The following PPP1R1A variants were observed in gnomAD, a reference collection of about 807,000 sequenced individuals.
PPP1R1A encodes protein phosphatase 1 regulatory subunit 1A.
PPP1R1A carries 18 observed loss-of-function variants against 23.9 expected under a neutral mutation model. The observed-to-expected ratio is 0.75, with a 90% CI of 0.52 to 1.12. PPP1R1A has a LOEUF of 1.12. Ranked by LOEUF, PPP1R1A falls within the 50% of genes most tolerant of loss-of-function variation. The pLI is 0.00. For synonymous variants in PPP1R1A, 84 were observed against 80.7 expected, an observed-to-expected ratio of 1.04 and a Z score of -0.22; for missense variants, 207 against 223.8, an observed-to-expected ratio of 0.92 and a Z score of 0.48.
At position 54,579,609 on chromosome 12, in the gene PPP1R1A, T is replaced by G. The variant is rs1565710466; in HGVS notation, c.*778A>C. The G allele has an allele frequency of 1.0e-6, 1 of 985,430 alleles. No homozygotes were observed. The highest frequency in any genetic ancestry group is 1.2e-6 in the Non-Finnish European group (1 of 829,964). 61.0% of individuals were successfully genotyped at this position (985,430 alleles called of 1,614,324 possible). ...GACAGTTTCTTCTCTTATGCTTGGT[T>G]TTGGTCTTATCTGGGCCCCTCAATG... On this transcript the variant is annotated 3_prime_UTR_variant, in exon 7 of 7. Coordinates refer to ENST00000257905, the MANE Select transcript of PPP1R1A (RefSeq NM_006741.4).
intron 2 of PPP1R1A, among the ~76,000 whole-genome samples, chr12:54,583,758 G>T (rs529591388): frequency 3.9e-5 from 6 of 152,120 alleles, no homozygotes; most frequent in Admixed American, 3.9e-4. Context: ...TGTCCCCCTC[G>T]CTTCCATACT....
chr12:54,581,874 T>C lies in PPP1R1A; in HGVS notation c.403+102A>G. The C allele has an allele frequency of 7.2e-7, 1 of 1,384,018 alleles. No individual in the cohort carries two copies. Among genetic ancestry groups the C allele is most frequent in the Non-Finnish European group, 9.8e-7 (1 of 1,024,120 alleles). 85.7% of individuals were successfully genotyped at this position (1,384,018 alleles called of 1,614,324 possible). Reference sequence around the variant, plus strand: ...GACAGTTTTTGCCTACTACTAGGCCTCTCCCAGGCTCCAACTCTTTCCCCT... The same window carrying C: ...GACAGTTTTTGCCTACTACTAGGCCCCTCCCAGGCTCCAACTCTTTCCCCT... On this transcript the variant is annotated intron_variant, in intron 5 of 6. Transcript: ENST00000257905. The surrounding 1 kb of genome is among the most constrained non-coding windows in gnomAD (Gnocchi z 4.1).
Position 54,580,944 on chromosome 12 carries a change from C to T in PPP1R1A, c.510G>A (p.Ser170=), listed in dbSNP as rs766359158. ...TGGCAGCCCAGCCCTGGGGTCTTAC[C>T]GAGTTGGCTCCCTTGGAATCCAGTG... ...IPPLDSKGAN[S]V is the part of the protein sequence containing the mutation. The change falls in exon 6 of 7, where the codon TCG becomes TCA. Residue 170 remains serine (S), a splice_region_variant and synonymous_variant. Coordinates refer to ENST00000257905, the MANE Select transcript of PPP1R1A (RefSeq NM_006741.4). 14 of 1,611,510 alleles carry T rather than the reference C, an allele frequency of 8.7e-6. No individual in the cohort carries two copies. Among genetic ancestry groups the T allele is most frequent in the Admixed American group, 6.7e-5 (4 of 60,000 alleles).
At position 54,582,179 on chromosome 12, in the gene PPP1R1A, G is replaced by A. The variant is rs766064943; in HGVS notation, c.248-48C>T. Reference sequence around the variant, plus strand: ...GGAACACTGGATATGACTGCCTAGCGTCTCCCCTGTGGGCCTCCGGATTCA... The same window carrying A: ...GGAACACTGGATATGACTGCCTAGCATCTCCCCTGTGGGCCTCCGGATTCA... On this transcript the variant is annotated intron_variant, in intron 4 of 6. Transcript: ENST00000257905. 4.5e-5 allele frequency: 70 copies of A among 1,554,522 alleles called. No individual in the cohort carries two copies. In the East Asian group the frequency reaches 6.3e-4, roughly 14 times the overall value.
Position 54,579,938 on chromosome 12 carries a change from A to C in PPP1R1A, c.*449T>G. The C allele has an allele frequency of 1.0e-6, 1 of 993,960 alleles. No homozygotes were observed. Among genetic ancestry groups the C allele is most frequent in the Non-Finnish European group, 1.2e-6 (1 of 834,968 alleles). The allele number at this position is 993,960 out of a possible 1,614,324, so 61.6% of individuals were successfully genotyped here. A position where few individuals can be genotyped will look rare whatever the true frequency, so the allele number is the denominator to read the frequency against. On this transcript the variant is annotated 3_prime_UTR_variant, in exon 7 of 7. Transcript: ENST00000257905. ...CACAGCTGGACACGGCACAGGCCTTAGAGCGCCGAGTCTTCCAGCTGCAGG... is the reference window on the plus strand; with the variant it reads ...CACAGCTGGACACGGCACAGGCCTTCGAGCGCCGAGTCTTCCAGCTGCAGG...
chr12:54,587,916 G>C (rs1957926106), intron 1 of PPP1R1A, among the ~76,000 whole-genome samples: 1 of 152,060 alleles, frequency 6.6e-6, no homozygotes, highest in Admixed American at 6.5e-5. Context: ...CCCCAGTTAG[G>C]AGGGGACAGG....
At position 54,581,751 on chromosome 12, in the gene PPP1R1A, G is replaced by C. The variant is rs1462721836; in HGVS notation, c.403+225C>G. On this transcript the variant is annotated intron_variant, in intron 5 of 6. Transcript: ENST00000257905. This position sits in a 1 kb window ranked among gnomAD's most constrained non-coding sequence, Gnocchi z 4.1. ...GGTTTCCCCCATGTAGCCACAGTGG[G>C]GCTCTGAGGTTCAAGTTGGGAGGGC... Among the ~76,000 whole-genome samples the C allele has an allele frequency of 6.6e-6, 1 of 152,218 alleles. No homozygotes were observed. The highest frequency in any genetic ancestry group is 2.4e-5 in the African/African-American group (1 of 41,454).
intron 6 of PPP1R1A, 89 bp from the exon 7 acceptor site, chr12:54,580,481 C>A: frequency 1.5e-6 from 2 of 1,305,026 alleles, no homozygotes; most frequent in Non-Finnish European, 2.2e-6. Context: ...CATTTGTCAA[C>A]ATCTAATGTC....
rs139065581 is a variant in PPP1R1A, at chr12:54,579,303, C to T, written c.*1084G>A. On this transcript the variant is annotated 3_prime_UTR_variant, in exon 7 of 7. Coordinates refer to ENST00000257905, the MANE Select transcript of PPP1R1A (RefSeq NM_006741.4). ...CATCTTCACATACATACACTCTTTC[C>T]AGCATGATAAAATCTGGGTGAGGCG... is the stretch of plus-strand genomic sequence containing the variant. 4.6e-3 allele frequency: 4,546 copies of T among 983,988 alleles called. 14 individuals carry two copies. The highest frequency in any genetic ancestry group is 9.2e-3 in the African/African-American group (522 of 56,860). The allele number at this position is 983,988 out of a possible 1,614,324, so 61.0% of individuals were successfully genotyped here. A position where few individuals can be genotyped will look rare whatever the true frequency, so the allele number is the denominator to read the frequency against.
rs758050370 is a variant in PPP1R1A at position 54,580,972 on chromosome 12, G to C, written c.482C>G (p.Pro161Arg). ...GTTGGCTCCCTTGGAATCCAGTGGT[G>C]GTATATGGGTTGAGGGTTCTTTTGT... ...PSTKEPSTHIPPLDSKGANSV is the reference protein window; with the variant it reads ...PSTKEPSTHIRPLDSKGANSV Residue 161 changes from proline (P) to arginine (R), a missense_variant, in exon 6 of 7, where the codon CCA becomes CGA. By Grantham distance (103) the Pro-to-Arg change is moderately radical. Transcript: ENST00000257905. 13 of 1,613,762 alleles carry C rather than the reference G, an allele frequency of 8.1e-6. No homozygotes were observed. Among genetic ancestry groups the C allele is most frequent in the Non-Finnish European group, 1.1e-5 (13 of 1,179,780 alleles).
intron 1 of PPP1R1A, among the ~76,000 whole-genome samples, chr12:54,587,348 G>A (rs1167178467): frequency 2.0e-5 from 3 of 152,208 alleles, no homozygotes; most frequent in Non-Finnish European, 2.9e-5. Flanking sequence ...ACAGAGAACT[G>A]ACCTTGTGGG....
At chr12:54,586,044 A>C (rs1214411127) in intron 1 of PPP1R1A, among the ~76,000 whole-genome samples, 4 of 152,122 alleles carry the variant, frequency 2.6e-5, no homozygotes, top group Non-Finnish European at 5.9e-5. Context: ...TCCTTCAACT[A>C]GAAGACTCCT....
rs1957838787 is a variant in PPP1R1A at position 54,579,963 on chromosome 12, G to A, written c.*424C>T. On this transcript the variant is annotated 3_prime_UTR_variant, in exon 7 of 7. Transcript: ENST00000257905. The stretch of plus-strand genomic sequence containing the variant: ...AGAGCGCCGAGTCTTCCAGCTGCAG[G>A]GCAGGCCTGTGAGGTGGTCGGATCG... 2.0e-6 allele frequency: 2 copies of A among 997,546 alleles called. No homozygotes were observed. The highest frequency in any genetic ancestry group is 2.4e-6 in the Non-Finnish European group (2 of 837,154). The allele number at this position is 997,546 out of a possible 1,614,324, so 61.8% of individuals were successfully genotyped here.
chr12:54,587,043 G>A (rs1273512048), intron 1 of PPP1R1A, among the ~76,000 whole-genome samples: 14 of 152,288 alleles, frequency 9.2e-5, no homozygotes, highest in African/African-American at 2.6e-4. Context: ...AGATTTGTGA[G>A]GCTTCACCAA....
intron 6 of PPP1R1A, among the ~76,000 whole-genome samples, chr12:54,580,689 G>A (rs1266864219): frequency 3.3e-5 from 5 of 152,146 alleles, no homozygotes; most frequent in Admixed American, 6.6e-5. Flanking sequence ...AAAATCCATG[G>A]CCTACTGCTC....
intron 1 of PPP1R1A, 105 bp downstream of exon 1, chr12:54,588,300 G>T (rs1187235066): frequency 1.6e-6 from 1 of 607,914 alleles, no homozygotes; most frequent in Non-Finnish European, 2.4e-6. Context: ...CCTCAAAAGG[G>T]CGCACTGCTA....
intron 1 of PPP1R1A, among the ~76,000 whole-genome samples, chr12:54,587,761 G>A (rs1957924502): frequency 6.6e-6 from 1 of 152,106 alleles, no homozygotes; most frequent in Non-Finnish European, 1.5e-5. Flanking sequence ...GGCAGGAGTT[G>A]GGAATAAGGG....
At chr12:54,587,294 A>C (rs1957919726) in intron 1 of PPP1R1A, among the ~76,000 whole-genome samples, 2 of 152,206 alleles carry the variant, frequency 1.3e-5, no homozygotes, top group African/African-American at 4.8e-5. Context: ...AGTTTTTTTC[A>C]GGTTGGGGGT....
At chr12:54,586,365 A>G (rs2121216315) in intron 1 of PPP1R1A, among the ~76,000 whole-genome samples, 1 of 152,354 alleles carries the variant, frequency 6.6e-6, no homozygotes, top group East Asian at 1.9e-4. Context: ...GGAAATAAGT[A>G]GATGGTCTCT....
Sources: gnomAD v4.1 joint callset for allele counts (sites outside exome capture counted in the v4.1 genomes callset) on GRCh38, gnomAD v4.1.1 for gene constraint, Gnocchi (gnomAD v3.1) non-coding constraint, MANE v1.5 for transcripts, NCBI Gene and HGNC (gene_info 2026-07-23, HGNC 2026-07-21) for gene names.